Variants in STK32B observed in about 807,000 individuals in gnomAD.
STK32B encodes the protein serine/threonine kinase 32B, also known as serine/threonine-protein kinase 32B.
In STK32B, 43 loss-of-function variants were observed where a neutral mutation model predicts 52.6. The observed-to-expected ratio is 0.82, with a 90% CI of 0.64 to 1.05. The LOEUF (loss-of-function observed/expected upper bound fraction) is 1.05. Ranked by LOEUF, STK32B falls within the 50% of genes least tolerant of loss-of-function variation. The probability of loss-of-function intolerance (pLI) is 0.00; values close to 1 mark genes in which losing one functional copy is unlikely to be tolerated. For synonymous variants in STK32B, 238 were observed against 204.3 expected (o/e 1.17, Z -1.41); for missense variants, 621 against 534.6 (o/e 1.16, Z -1.59).
At chr4:5,081,124 A>G (rs12511788) in intron 1 of STK32B, among the ~76,000 whole-genome samples, 75,035 of 151,912 alleles carry the variant, frequency 0.49, 20,453 homozygotes, top group East Asian at 0.81. Context: ...GCAAATGGCA[A>G]TATTTCCTTC....
chr4:5,281,342 C>G (rs1263833217), intron 3 of STK32B, among the ~76,000 whole-genome samples: 3 of 152,052 alleles, frequency 2.0e-5, no homozygotes, highest in Admixed American at 2.0e-4. Context: ...AACACAGGAG[C>G]AGAAAACTGA....
In STK32B at chr4:5,399,388, G is replaced by A. The variant is rs577278250; in HGVS notation, c.472+1144G>A. On this transcript the variant is annotated intron_variant, in intron 5 of 11. Transcript: ENST00000282908. This position sits in a 1 kb window ranked among gnomAD's most constrained non-coding sequence, Gnocchi z 5.4. ...TTCCATGAGCCAGCAGCATAGCTTG[G>A]GGCATCCTAACCTCATAGTGTGCAT... is the stretch of plus-strand genomic sequence containing the variant. Among the ~76,000 whole-genome samples the A allele has an allele frequency of 3.9e-5, 6 of 152,196 alleles. No homozygotes were observed. Among genetic ancestry groups the A allele is most frequent in the South Asian group, 4.1e-4 (2 of 4,832 alleles).
chr4:5,462,055 A>T (rs1383375788), intron 9 of STK32B, among the ~76,000 whole-genome samples: 2 of 151,954 alleles, frequency 1.3e-5, no homozygotes, highest in African/African-American at 4.8e-5. Flanking sequence ...CACTTGGCCA[A>T]CTGGGAGCTC....
At chr4:5,323,425 C>A (rs6812939) in intron 3 of STK32B, among the ~76,000 whole-genome samples, 2 of 151,890 alleles carry the variant, frequency 1.3e-5, no homozygotes, top group East Asian at 1.9e-4. Flanking sequence ...TTCTGGACTC[C>A]CTCATCAGGT....
chr4:5,406,257 C>T (rs1560386534), intron 5 of STK32B, among the ~76,000 whole-genome samples: 1 of 152,222 alleles, frequency 6.6e-6, no homozygotes, highest in Non-Finnish European at 1.5e-5. Flanking sequence ...CCTTGGGCAT[C>T]TCTGCCCGTG....
chr4:5,412,296 G>A (rs1410372607), intron 5 of STK32B, among the ~76,000 whole-genome samples: 1 of 152,188 alleles, frequency 6.6e-6, no homozygotes, highest in Non-Finnish European at 1.5e-5. Flanking sequence ...TCATTCTCCT[G>A]AGAAGGAACT....
intron 3 of STK32B, among the ~76,000 whole-genome samples, chr4:5,307,320 G>T (rs992411808): frequency 6.6e-6 from 1 of 152,190 alleles, no homozygotes; most frequent in Middle Eastern, 3.4e-3. Flanking sequence ...CTTCTTGGAG[G>T]CTTTGTTCAT....
intron 1 of STK32B, among the ~76,000 whole-genome samples, chr4:5,132,619 C>T (rs1241918400): frequency 6.6e-6 from 1 of 151,670 alleles, no homozygotes; most frequent in Non-Finnish European, 1.5e-5. Flanking sequence ...CAGATTTTCC[C>T]CAAGATCTTC....
At chr4:5,371,835 G>T (rs1735265851) in intron 4 of STK32B, among the ~76,000 whole-genome samples, 1 of 152,232 alleles carries the variant, frequency 6.6e-6, no homozygotes, top group Non-Finnish European at 1.5e-5. Flanking sequence ...GACAGAGTTT[G>T]CTGACCTCTC....
At chr4:5,029,951 A>T in the STK32B span, among the ~76,000 whole-genome samples, 3 of 152,060 alleles carry the variant, frequency 2.0e-5, no homozygotes, top group African/African-American at 7.2e-5. Flanking sequence ...TTTTCATGAG[A>T]TCTGATGGTT....
intron 7 of STK32B, among the ~76,000 whole-genome samples, chr4:5,452,979 A>T (rs1716141414): frequency 6.6e-6 from 1 of 152,058 alleles, no homozygotes; most frequent in Non-Finnish European, 1.5e-5. Context: ...AGCAGACAGG[A>T]TATTGATCTT....
At chr4:5,066,823 C>T (rs1181371687) in intron 1 of STK32B, among the ~76,000 whole-genome samples, 2 of 152,198 alleles carry the variant, frequency 1.3e-5, no homozygotes, top group Non-Finnish European at 2.9e-5. Context: ...TCCATCTTAT[C>T]CCATTTGACT....
intron 3 of STK32B, among the ~76,000 whole-genome samples, chr4:5,312,551 C>A (rs1730371823): frequency 1.3e-5 from 2 of 151,416 alleles, no homozygotes; most frequent in African/African-American, 2.4e-5. Flanking sequence ...GTTTTTTGTT[C>A]TTCCGATAGT....
chr4:5,159,665 ATG>A (rs1169319842), intron 2 of STK32B, among the ~76,000 whole-genome samples: 5 of 66,794 alleles, frequency 7.5e-5, no homozygotes, highest in African/African-American at 2.0e-4. Context: ...ATATATATGA[ATG>A]TATATGAATA....
chr4:5,177,704 A>G (rs1379628359), intron 3 of STK32B, among the ~76,000 whole-genome samples: 1 of 152,238 alleles, frequency 6.6e-6, no homozygotes, highest in Non-Finnish European at 1.5e-5. Flanking sequence ...AAATATACCC[A>G]TTCCAAATGG....
At position 5,496,206 on chromosome 4, in the gene STK32B, C is replaced by T. The variant is rs538386227; in HGVS notation, c.1107-2739C>T. On this transcript the variant is annotated intron_variant, in intron 11 of 11. Transcript: ENST00000282908. ...GTGGAGCCTACAGAGGCAGGCAAGC[C>T]TCCTTGAGCTGTGGTGGGCTCCATC... 2.0e-5 allele frequency among the ~76,000 whole-genome samples: 3 copies of T among 152,374 alleles called. No homozygotes were observed. The South Asian group carries it at 6.2e-4, about 32-fold the overall frequency.
intron 3 of STK32B, among the ~76,000 whole-genome samples, chr4:5,304,218 G>A (rs1031537967): frequency 4.6e-5 from 7 of 151,974 alleles, no homozygotes; most frequent in African/African-American, 1.4e-4. Context: ...TCTGAAAAAC[G>A]ATGGTGATAT....
chr4:5,441,792 T>G (rs1423584652), intron 6 of STK32B, among the ~76,000 whole-genome samples: 26 of 144,382 alleles, frequency 1.8e-4, no homozygotes, highest in African/African-American at 6.4e-4. Flanking sequence ...CCAGAGATTC[T>G]GGTATGTTGT....
Position 5,329,909 on chromosome 4 carries a change from G to A in STK32B, c.261-1311G>A, listed in dbSNP as rs1732121580. Reference sequence around the variant, plus strand: ...GGTCCTTCCAACCCTGGAATTCCCTGTCCTGTAAGCATGTGGTTCTGTTGC... The same window carrying A: ...GGTCCTTCCAACCCTGGAATTCCCTATCCTGTAAGCATGTGGTTCTGTTGC... On this transcript the variant is annotated intron_variant, in intron 3 of 11. Transcript: ENST00000282908. 3.3e-5 allele frequency among the ~76,000 whole-genome samples: 5 copies of A among 152,280 alleles called. No individual in the cohort carries two copies. In the South Asian group the frequency reaches 8.3e-4, roughly 25 times the overall value.
Sources: allele counts gnomAD v4.1 joint callset (sites outside exome capture counted in the v4.1 genomes callset), GRCh38; gene constraint gnomAD v4.1.1; non-coding constraint Gnocchi (gnomAD v3.1); transcripts MANE v1.5; gene names NCBI Gene and HGNC (gene_info 2026-07-23, HGNC 2026-07-21).